The following PHF21B variants were observed in gnomAD, a reference collection of about 807,000 sequenced individuals.
PHF21B encodes the protein PHD finger protein 4.
PHF21B carries 22 observed loss-of-function variants against 62.2 expected under a neutral mutation model. The observed-to-expected ratio is 0.35, with a 90% CI of 0.25 to 0.51. PHF21B has a LOEUF of 0.51. PHF21B is among the 20% of genes least tolerant of loss of function. The pLI is 0.97. For synonymous variants in PHF21B, 341 were observed against 314.7 expected (o/e 1.08, Z -0.88); for missense variants, 701 against 707.9 (o/e 0.99, Z 0.11).
intron 2 of PHF21B, among the ~76,000 whole-genome samples, chr22:44,991,717 C>T (rs115910589): frequency 6.6e-5 from 10 of 152,160 alleles, no homozygotes; most frequent in Admixed American, 3.3e-4. Context: ...TTCTGTGTCC[C>T]GCTGGCCTCC....
At chr22:44,931,672 TCCC>T (rs916285437) in intron 2 of PHF21B, among the ~76,000 whole-genome samples, 2 of 149,632 alleles carry the variant, frequency 1.3e-5, no homozygotes, top group African/African-American at 5.0e-5. Flanking sequence ...GGTTGTGAGG[TCCC>T]CCGTGACCAC....
chr22:44,917,178 G>A (rs1410590593), intron 3 of PHF21B, among the ~76,000 whole-genome samples: 6 of 152,212 alleles, frequency 3.9e-5, no homozygotes, highest in East Asian at 1.9e-4. Context: ...GAGGGCAGCC[G>A]GGCAGCCACT....
intron 2 of PHF21B, among the ~76,000 whole-genome samples, chr22:44,961,832 G>A (rs1011421005): frequency 1.1e-4 from 16 of 150,702 alleles, no homozygotes; most frequent in African/African-American, 2.9e-4. Flanking sequence ...GTGACAGAGC[G>A]AGACTCTGTC....
At chr22:44,930,429 G>A (rs2071717983) in intron 2 of PHF21B, among the ~76,000 whole-genome samples, 1 of 151,926 alleles carries the variant, frequency 6.6e-6, no homozygotes, top group African/African-American at 2.4e-5. Context: ...AAATATGCAT[G>A]AAGGAGACAG....
At chr22:44,935,248 C>A (rs1469288330) in intron 2 of PHF21B, among the ~76,000 whole-genome samples, 1 of 152,156 alleles carries the variant, frequency 6.6e-6, no homozygotes, top group East Asian at 1.9e-4. Flanking sequence ...TACTCAAACT[C>A]CCCGAGCCCC....
chr22:44,916,352 G>A lies in PHF21B; in HGVS notation c.492C>T (p.Ala164=), dbSNP rs746640713. The change falls in exon 4 of 13, where the codon GCC becomes GCT. Residue 164 remains alanine (A), a synonymous_variant. Transcript: ENST00000313237. The part of the protein sequence containing the change: ...STSPSNAAAM[A]PSTAVSVVSD... Reference sequence around the variant, plus strand: ...TGACCACAGACACGGCGGTGCTGGGGGCCATGGCGGCGGCATTGCTGGGGG... The same window carrying A: ...TGACCACAGACACGGCGGTGCTGGGAGCCATGGCGGCGGCATTGCTGGGGG... 1.9e-6 allele frequency: 3 copies of A among 1,596,626 alleles called. No homozygotes were observed. The highest frequency in any genetic ancestry group is 8.5e-7 in the Non-Finnish European group (1 of 1,176,586).
At chr22:44,913,169 G>A (rs1042643215) in intron 5 of PHF21B, among the ~76,000 whole-genome samples, 4 of 152,186 alleles carry the variant, frequency 2.6e-5, no homozygotes, top group Non-Finnish European at 4.4e-5. Flanking sequence ...GTGTGGGAGA[G>A]GTGGAGACAT....
chr22:45,008,960 C>G (rs2073377415), intron 1 of PHF21B: 10 of 1,078,274 alleles, frequency 9.3e-6, no homozygotes, highest in African/African-American at 1.7e-5. Context: ...GCCAAGTAAA[C>G]ACGGCGAGTC....
chr22:44,968,099 C>T (rs753985531), intron 2 of PHF21B, among the ~76,000 whole-genome samples: 5 of 152,148 alleles, frequency 3.3e-5, no homozygotes, highest in Non-Finnish European at 7.4e-5. Context: ...AGTTACTTTA[C>T]TTCCTTCCTT....
chr22:44,914,275 AC>A (rs1470441687), intron 4 of PHF21B, among the ~76,000 whole-genome samples, 187 bp from the exon 5 acceptor site: 1 of 151,936 alleles, frequency 6.6e-6, no homozygotes, highest in Non-Finnish European at 1.5e-5. Flanking sequence ...CTCCTGACAC[AC>A]CTTTTCCACC....
chr22:44,941,056 A>G (rs964233352), intron 2 of PHF21B, among the ~76,000 whole-genome samples: 2 of 152,226 alleles, frequency 1.3e-5, no homozygotes, highest in African/African-American at 4.8e-5. Flanking sequence ...CCACATCCAC[A>G]GCACCCCGCA....
At chr22:44,975,152 AC>A (rs1270546934) in intron 2 of PHF21B, among the ~76,000 whole-genome samples, 1 of 151,938 alleles carries the variant, frequency 6.6e-6, no homozygotes, top group Non-Finnish European at 1.5e-5. Flanking sequence ...AGCCCCCATC[AC>A]CATCCTCCTC....
At chr22:45,002,645 C>A (rs561065073) in intron 2 of PHF21B, among the ~76,000 whole-genome samples, 2 of 152,372 alleles carry the variant, frequency 1.3e-5, no homozygotes, top group South Asian at 4.1e-4. Flanking sequence ...CTTCACACTC[C>A]TCCCTTCTGA....
In PHF21B at chr22:44,887,754, C is replaced by CAAAA. The variant is rs59049105; in HGVS notation, c.1197+205_1197+208dup. 5.5e-3 allele frequency among the ~76,000 whole-genome samples: 398 copies of CAAAA among 72,288 alleles called. 7 individuals carry two copies. Among genetic ancestry groups the CAAAA allele is most frequent in the African/African-American group, 0.017 (372 of 22,014 alleles). The allele number at this position is 72,288 out of a possible 152,430, so 47.4% of individuals were successfully genotyped here. On this transcript the variant is annotated intron_variant, in intron 10 of 12. Transcript: ENST00000313237. Reference sequence around the variant, plus strand: ...TGGGCAACAGAACGAGACTCTGTCTCAAAAAAAAAAAAAAAAAAAAAATCC... The same window carrying CAAAA: ...TGGGCAACAGAACGAGACTCTGTCTCAAAAAAAAAAAAAAAAAAAAAAAAAATCC...
rs1486192776 is a variant in PHF21B at position 44,920,307 on chromosome 22, C to A, written c.213+91G>T. ...GGCACGAGTTCCGCCTGGCCCAGTG[C>A]CCACCAGAAACCTCAGTGCTGAGGG... is the stretch of plus-strand genomic sequence containing the variant. On this transcript the variant is annotated intron_variant, in intron 3 of 12. Coordinates refer to ENST00000313237, the MANE Select transcript of PHF21B (RefSeq NM_138415.5). 5.8e-6 allele frequency: 6 copies of A among 1,028,102 alleles called. No homozygotes were observed. In the South Asian group the frequency reaches 7.7e-5, roughly 13 times the overall value. 63.7% of individuals were successfully genotyped at this position (1,028,102 alleles called of 1,614,324 possible). A position where few individuals can be genotyped will look rare whatever the true frequency, so the allele number is the denominator to read the frequency against.
chr22:44,944,202 T>C (rs1238989319), intron 2 of PHF21B, among the ~76,000 whole-genome samples: 1 of 152,212 alleles, frequency 6.6e-6, no homozygotes, highest in Admixed American at 6.5e-5. Context: ...GTTGTCAGGC[T>C]ATGAGAACCC....
intron 5 of PHF21B, among the ~76,000 whole-genome samples, chr22:44,908,354 G>A (rs1013385324): frequency 3.3e-5 from 5 of 152,292 alleles, no homozygotes; most frequent in African/African-American, 1.2e-4. Context: ...GCATGGACGG[G>A]CGGCAGCTAA....
At chr22:44,901,668 G>A in intron 5 of PHF21B, 1 of 522,050 alleles carries the variant, frequency 1.9e-6, no homozygotes, top group South Asian at 4.1e-5. Flanking sequence ...TGAAAAGGGG[G>A]AACCTCAAAG....
intron 2 of PHF21B, among the ~76,000 whole-genome samples, chr22:44,940,257 T>C (rs1235755643): frequency 6.6e-6 from 1 of 152,190 alleles, no homozygotes; most frequent in African/African-American, 2.4e-5. Flanking sequence ...GCCACCTTAA[T>C]TATTCCCACA....
Sources: allele counts gnomAD v4.1 joint callset (sites outside exome capture counted in the v4.1 genomes callset), GRCh38; gene constraint gnomAD v4.1.1; transcripts MANE v1.5; gene names NCBI Gene and HGNC (gene_info 2026-07-23, HGNC 2026-07-21).